The following CNTNAP5 variants were observed in gnomAD, a reference collection of about 807,000 sequenced individuals.
CNTNAP5 encodes contactin-associated protein-like 5.
In CNTNAP5, 72 loss-of-function variants were observed where a neutral mutation model predicts 150.2. That is an observed-to-expected ratio of 0.48 (90% CI 0.40 to 0.58). The LOEUF (loss-of-function observed/expected upper bound fraction) is 0.58, where lower values mean the gene tolerates loss of function less well. Among genes scored for constraint, CNTNAP5 ranks in the 20% least tolerant of loss-of-function variants. CNTNAP5 has a pLI of 0.00. For synonymous variants in CNTNAP5, 672 were observed against 619.8 expected, an observed-to-expected ratio of 1.08 and a Z score of -1.25; for missense variants, 1,636 against 1,626.2, an observed-to-expected ratio of 1.01 and a Z score of -0.10.
chr2:124,477,122 C>G (rs991762939), intron 7 of CNTNAP5, among the ~76,000 whole-genome samples: 2 of 152,058 alleles, frequency 1.3e-5, no homozygotes, highest in Admixed American at 1.3e-4. Flanking sequence ...ATAGGGAAAA[C>G]TATGTTACTT....
At chr2:124,468,533 G>C (rs1408164519) in intron 6 of CNTNAP5, among the ~76,000 whole-genome samples, 1 of 151,956 alleles carries the variant, frequency 6.6e-6, no homozygotes. Flanking sequence ...CCACACTGTG[G>C]GTGGACCTTC....
intron 1 of CNTNAP5, among the ~76,000 whole-genome samples, chr2:124,099,472 CTG>C (rs908983047): frequency 5.9e-5 from 9 of 152,224 alleles, no homozygotes; most frequent in African/African-American, 2.2e-4. Context: ...CCTGCACAGG[CTG>C]TGTCAAAAAG....
At chr2:124,041,770 T>C (rs190730089) in intron 1 of CNTNAP5, among the ~76,000 whole-genome samples, 35 of 152,226 alleles carry the variant, frequency 2.3e-4, no homozygotes, top group African/African-American at 7.2e-4. Flanking sequence ...CAACAGATAA[T>C]TATGTAGCTC....
intron 3 of CNTNAP5, among the ~76,000 whole-genome samples, chr2:124,374,762 C>G (rs2104730906): frequency 6.6e-6 from 1 of 152,112 alleles, no homozygotes; most frequent in East Asian, 1.9e-4. Flanking sequence ...TGCACACAAC[C>G]AGGGATTCTT....
chr2:124,715,930 C>T (rs1282006019), intron 13 of CNTNAP5, among the ~76,000 whole-genome samples: 2 of 152,138 alleles, frequency 1.3e-5, no homozygotes, highest in Non-Finnish European at 2.9e-5. Flanking sequence ...TAATTCTTCT[C>T]AAGGTGACCC....
intron 6 of CNTNAP5, among the ~76,000 whole-genome samples, chr2:124,447,802 C>A (rs1190144862): frequency 6.6e-6 from 1 of 152,040 alleles, no homozygotes; most frequent in African/African-American, 2.4e-5. Context: ...GGTTAGAAGA[C>A]TGGGGAGGCA....
At chr2:124,291,421 A>C (rs1331833820) in intron 3 of CNTNAP5, among the ~76,000 whole-genome samples, 1 of 152,124 alleles carries the variant, frequency 6.6e-6, no homozygotes, top group African/African-American at 2.4e-5. Flanking sequence ...CTATTAATTA[A>C]TATTTTCAGT....
chr2:124,396,046 G>T (rs1573965334), intron 3 of CNTNAP5, among the ~76,000 whole-genome samples: 2 of 152,160 alleles, frequency 1.3e-5, no homozygotes, highest in African/African-American at 4.8e-5. Flanking sequence ...CAATGACATT[G>T]AGCAGTCTAA....
intron 10 of CNTNAP5, among the ~76,000 whole-genome samples, chr2:124,554,874 A>C (rs961000494): frequency 6.6e-6 from 1 of 152,220 alleles, no homozygotes; most frequent in Non-Finnish European, 1.5e-5. Context: ...CAATTCAAAA[A>C]TTCACTCTTG....
In CNTNAP5 at chr2:124,709,892, A is replaced by T. The variant is rs539192253; in HGVS notation, c.2078-37337A>T. Among the ~76,000 whole-genome samples, 158 of 152,304 alleles carry T rather than the reference A, an allele frequency of 1.0e-3. 1 individual carries two copies. Among genetic ancestry groups the T allele is most frequent in the Non-Finnish European group, 1.9e-3 (129 of 68,018 alleles). On this transcript the variant is annotated intron_variant, in intron 13 of 23. Transcript: ENST00000682447. ...TCCCAATCTTCAGCTAACTTTTCTT[A>T]AGAAAATAATATAGTAGCTTCTATT...
At chr2:124,444,422 C>T (rs973924819) in intron 5 of CNTNAP5, among the ~76,000 whole-genome samples, 8 of 151,992 alleles carry the variant, frequency 5.3e-5, no homozygotes, top group South Asian at 2.1e-4. Flanking sequence ...GGTGAAAACC[C>T]GTTTCTACCA....
intron 19 of CNTNAP5, among the ~76,000 whole-genome samples, chr2:124,806,559 C>T (rs1682084909): frequency 6.6e-6 from 1 of 152,112 alleles, no homozygotes; most frequent in Admixed American, 6.6e-5. Flanking sequence ...TTGTACTTTC[C>T]CAGTTTAAAC....
intron 13 of CNTNAP5, among the ~76,000 whole-genome samples, chr2:124,711,626 G>C (rs773128296): frequency 1.2e-4 from 18 of 151,300 alleles, no homozygotes; most frequent in Non-Finnish European, 1.8e-4. Flanking sequence ...AGGAGATTGA[G>C]GCCATCTTGG....
intron 1 of CNTNAP5, among the ~76,000 whole-genome samples, chr2:124,119,032 C>T (rs1683494763): frequency 6.6e-6 from 1 of 152,152 alleles, no homozygotes; most frequent in African/African-American, 2.4e-5. Flanking sequence ...GTTGGTGGAT[C>T]AGACCAAGCT....
intron 1 of CNTNAP5, among the ~76,000 whole-genome samples, chr2:124,116,254 G>A (rs560398618): frequency 2.6e-5 from 4 of 152,266 alleles, no homozygotes; most frequent in African/African-American, 9.6e-5. Flanking sequence ...TGGGTACCAG[G>A]TGTTCAAACT....
intron 19 of CNTNAP5, among the ~76,000 whole-genome samples, chr2:124,837,191 A>G (rs1348650539): frequency 6.6e-6 from 1 of 152,136 alleles, no homozygotes; most frequent in African/African-American, 2.4e-5. Flanking sequence ...AAAAAAAAAA[A>G]AAGGTTAAAT....
intron 8 of CNTNAP5, among the ~76,000 whole-genome samples, chr2:124,507,160 G>A (rs1694429038): frequency 6.6e-6 from 1 of 152,036 alleles, no homozygotes; most frequent in African/African-American, 2.4e-5. Flanking sequence ...TTAGAGCATG[G>A]CCAAAATCAC....
chr2:124,496,664 GTA>G (rs748293607), intron 7 of CNTNAP5, among the ~76,000 whole-genome samples: 3 of 152,214 alleles, frequency 2.0e-5, no homozygotes, highest in Non-Finnish European at 2.9e-5. Context: ...TGGGCCTGCT[GTA>G]TTCTCTTCAG....
At chr2:124,562,745 G>A (rs1018522500) in intron 10 of CNTNAP5, among the ~76,000 whole-genome samples, 1 of 152,124 alleles carries the variant, frequency 6.6e-6, no homozygotes, top group Admixed American at 6.5e-5. Flanking sequence ...CTAACTTCGT[G>A]TTGTCTTTGT....
Sources: gnomAD v4.1 joint callset for allele counts (sites outside exome capture counted in the v4.1 genomes callset) on GRCh38, gnomAD v4.1.1 for gene constraint, MANE v1.5 for transcripts, NCBI Gene and HGNC (gene_info 2026-07-23, HGNC 2026-07-21) for gene names.